COBL: variants seen among roughly 807,000 people sequenced by gnomAD.
COBL encodes the protein protein cordon-bleu.
Under a neutral mutation model 98.8 loss-of-function variants are expected in COBL, and 51 were observed. The ratio of observed to expected loss-of-function variants is 0.52; its 90% CI spans 0.41 to 0.65. The LOEUF (loss-of-function observed/expected upper bound fraction) is 0.65. Ranked by LOEUF, COBL falls within the 30% of genes least tolerant of loss-of-function variation. The pLI, the probability that COBL is intolerant of heterozygous loss-of-function variation, is 0.00. For missense variants in COBL, 1,617 were observed against 1,617.5 expected (o/e 1.00, Z 0.01); for synonymous variants, 634 against 651.7 (o/e 0.97, Z 0.41).
At chr7:51,211,726 T>C (rs1051956627) in intron 2 of COBL, among the ~76,000 whole-genome samples, 1 of 152,148 alleles carries the variant, frequency 6.6e-6, no homozygotes. Flanking sequence ...ACTAAGACAA[T>C]CAGACCCTCT....
chr7:51,105,259 C>T lies in COBL; in HGVS notation c.958-19955G>A, dbSNP rs374666626. On this transcript the variant is annotated intron_variant, in intron 6 of 12. Transcript: ENST00000265136. The stretch of plus-strand genomic sequence containing the variant: ...TCCGAGCCCATTCTTTGGGTTTGGA[C>T]GGGTGAATGCGTGTTTCTCACAGTC... Among the ~76,000 whole-genome samples the T allele has an allele frequency of 2.7e-4, 41 of 152,260 alleles. No individual in the cohort carries two copies. The South Asian group carries it at 3.5e-3, about 13-fold the overall frequency.
chr7:51,056,934 T>C (rs147315845), intron 7 of COBL, among the ~76,000 whole-genome samples: 7 of 152,098 alleles, frequency 4.6e-5, no homozygotes, highest in Admixed American at 4.6e-4. Context: ...AGATATTAAA[T>C]GAACAATTGC....
At chr7:51,106,163 C>G (rs1229807480) in intron 6 of COBL, among the ~76,000 whole-genome samples, 2 of 138,388 alleles carry the variant, frequency 1.4e-5, no homozygotes, top group Non-Finnish European at 3.0e-5. Flanking sequence ...GAGATCGTGC[C>G]ATCGCACTCC....
rs759377799 is a variant in COBL at position 51,029,038 on chromosome 7, T to C, written c.2058A>G (p.Thr686=). Residue 686 remains threonine (T), a synonymous_variant, in exon 10 of 13, where the codon ACA becomes ACG. Transcript: ENST00000265136. ...GGTTTTGGCCTCGTTGGTGCCATGA[T>C]GTTGGTGCCAAGGCAGCGTTTTTAT... ...SNDKNAALAP[T]SWHQRGQNPG... 1.2e-6 allele frequency: 2 copies of C among 1,614,198 alleles called. No homozygotes were observed. Among genetic ancestry groups the C allele is most frequent in the Non-Finnish European group, 1.7e-6 (2 of 1,180,036 alleles).
chr7:51,166,032 CA>C (rs1787289938), intron 5 of COBL, among the ~76,000 whole-genome samples: 1 of 151,698 alleles, frequency 6.6e-6, no homozygotes, highest in Admixed American at 6.6e-5. Flanking sequence ...CTCAAACAAA[CA>C]ATCTAACTAT....
chr7:51,035,790 G>A (rs1216245448), intron 8 of COBL: 1 of 152,144 alleles, frequency 6.6e-6, no homozygotes, highest in African/African-American at 2.4e-5. Flanking sequence ...CCAGACACTT[G>A]GCAAGCGCTC....
At chr7:51,084,689 G>A (rs1009800732) in intron 7 of COBL, among the ~76,000 whole-genome samples, 4 of 152,090 alleles carry the variant, frequency 2.6e-5, no homozygotes, top group African/African-American at 9.7e-5. Context: ...TGCTAAATGT[G>A]TACCAGGTAA....
At chr7:51,258,652 G>A (rs1797412942) in intron 1 of COBL, among the ~76,000 whole-genome samples, 1 of 152,070 alleles carries the variant, frequency 6.6e-6, no homozygotes, top group African/African-American at 2.4e-5. Context: ...AAAAACACAT[G>A]CTTCTACTGC....
At chr7:51,259,761 A>G in intron 1 of COBL, 1 of 747,814 alleles carries the variant, frequency 1.3e-6, no homozygotes, top group Non-Finnish European at 2.4e-6. Flanking sequence ...CAGATCACAT[A>G]AGTTTCCACT....
At chr7:51,198,321 T>C (rs1225607749) in intron 2 of COBL, among the ~76,000 whole-genome samples, 2 of 152,214 alleles carry the variant, frequency 1.3e-5, no homozygotes, top group African/African-American at 2.4e-5. Flanking sequence ...TTTAAGGATA[T>C]TGAATATTGG....
At chr7:51,038,280 G>C (rs74803363) in intron 8 of COBL, among the ~76,000 whole-genome samples, 1,645 of 152,330 alleles carry the variant, frequency 0.011, 14 homozygotes, top group Non-Finnish European at 0.016. Context: ...GTATGAAGCA[G>C]GTGCTGCAGC....
At chr7:51,266,950 A>T (rs528112888) in intron 1 of COBL, among the ~76,000 whole-genome samples, 18 of 152,144 alleles carry the variant, frequency 1.2e-4, no homozygotes, top group Non-Finnish European at 2.4e-4. Flanking sequence ...CTGCTTCTTA[A>T]TAACATACGA....
chr7:51,265,659 A>G (rs1168241796), intron 1 of COBL, among the ~76,000 whole-genome samples: 1 of 152,168 alleles, frequency 6.6e-6, no homozygotes, highest in Non-Finnish European at 1.5e-5. Flanking sequence ...CCCAGAGGGG[A>G]AGAAGGGGCA....
intron 1 of COBL, among the ~76,000 whole-genome samples, chr7:51,289,605 A>G (rs897989518): frequency 1.3e-5 from 2 of 152,198 alleles, no homozygotes; most frequent in Non-Finnish European, 2.9e-5. Context: ...CAGAAATAAG[A>G]CTCAGTCTCA....
At chr7:51,316,538 C>T in intron 1 of COBL, 55 bp downstream of exon 1, 1 of 1,184,698 alleles carries the variant, frequency 8.4e-7, no homozygotes, top group Non-Finnish European at 1.1e-6. Context: ...CGGACGCGGG[C>T]GTCCGAGCCC....
At position 51,136,294 on chromosome 7, in the gene COBL, G is replaced by A. The variant is rs1312457897; in HGVS notation, c.821C>T (p.Ser274Leu). 6.2e-7 allele frequency: 1 copy of A among 1,614,054 alleles called. No individual in the cohort carries two copies. Among genetic ancestry groups the A allele is most frequent in the Non-Finnish European group, 8.5e-7 (1 of 1,180,020 alleles). ...LTTPNSPSMHSRSLTLGPSLS... is the reference protein window; with the variant it reads ...LTTPNSPSMHLRSLTLGPSLS... ...GGATGGACCCAGCGTAAGAGAACGT[G>A]AGTGCATGGATGGGGAGTTGGGGGT... Residue 274 changes from serine (S) to leucine (L), a missense_variant, in exon 6 of 13, where the codon TCA becomes TTA. Physicochemically the swap from Ser to Leu is moderately radical, Grantham distance 145 (BLOSUM62 -2). Transcript: ENST00000265136.
At chr7:51,031,239 A>C in intron 8 of COBL, 1 of 237,376 alleles carries the variant, frequency 4.2e-6, no homozygotes, top group South Asian at 1.2e-4. Flanking sequence ...GCTTTCATTC[A>C]CTCTGCAGAC....
At chr7:51,042,155 G>A (rs753177208) in intron 8 of COBL, among the ~76,000 whole-genome samples, 4 of 152,094 alleles carry the variant, frequency 2.6e-5, no homozygotes, top group East Asian at 1.9e-4. Context: ...TTTAGGGTAC[G>A]GGAAGGATCT....
intron 5 of COBL, among the ~76,000 whole-genome samples, chr7:51,158,858 C>A (rs1164704574): frequency 6.6e-6 from 1 of 150,396 alleles, no homozygotes; most frequent in Non-Finnish European, 1.5e-5. Flanking sequence ...AAGCGAGGCA[C>A]GGGGTGGGAG....
Sources: gnomAD v4.1 joint callset for allele counts (sites outside exome capture counted in the v4.1 genomes callset) on GRCh38, gnomAD v4.1.1 for gene constraint, MANE v1.5 for transcripts, NCBI Gene and HGNC (gene_info 2026-07-23, HGNC 2026-07-21) for gene names.